The following SIRT6 variants were observed in gnomAD, a reference collection of about 807,000 sequenced individuals.
The protein encoded by SIRT6 is NAD-dependent protein deacylase sirtuin-6.
SIRT6 carries 21 observed loss-of-function variants against 33.6 expected under a neutral mutation model. The observed-to-expected ratio is 0.62, with a 90% CI of 0.44 to 0.90. The LOEUF is 0.90. Ranked by LOEUF, SIRT6 falls within the 40% of genes least tolerant of loss-of-function variation. SIRT6 has a pLI of 0.00. For synonymous variants in SIRT6, 221 were observed against 223.9 expected (o/e 0.99, Z 0.12); for missense variants, 504 against 510.6 (o/e 0.99, Z 0.12).
In SIRT6 at chr19:4,180,681, A is replaced by C; in HGVS notation, c.194+101T>G. On this transcript the variant is annotated intron_variant, in intron 2 of 7. Coordinates refer to ENST00000337491, the MANE Select transcript of SIRT6 (RefSeq NM_016539.4). ...GTACCCAGGACACATCCAGGAGGAAAGCAGATGGATGTGTTCTCATTCCCA... is the reference window on the plus strand; with the variant it reads ...GTACCCAGGACACATCCAGGAGGAACGCAGATGGATGTGTTCTCATTCCCA... 2.7e-6 allele frequency: 4 copies of C among 1,455,368 alleles called. No homozygotes were observed. In the South Asian group the frequency reaches 5.3e-5, roughly 19 times the overall value. The allele number at this position is 1,455,368 out of a possible 1,614,324, so 90.2% of individuals were successfully genotyped here. A position where few individuals can be genotyped will look rare whatever the true frequency, so the allele number is the denominator to read the frequency against.
intron 2 of SIRT6, chr19:4,179,488 C>A: frequency 1.7e-6 from 1 of 594,246 alleles, no homozygotes; most frequent in East Asian, 2.9e-5. Context: ...GAACAAGACA[C>A]AGACAGAGAG....
chr19:4,177,040 C>A, intron 4 of SIRT6, 39 bp downstream of exon 4: 1 of 1,586,426 alleles, frequency 6.3e-7, no homozygotes. Context: ...CCAACCCCCT[C>A]TGGCAGAGCC....
At chr19:4,177,001 C>T in intron 4 of SIRT6, 78 bp downstream of exon 4, 1 of 1,313,066 alleles carries the variant, frequency 7.6e-7, no homozygotes. Context: ...CCCATACCCT[C>T]TGGGTCTCTG....
intron 2 of SIRT6, 61 bp from the exon 3 acceptor site, chr19:4,179,347 G>A (rs1203184677): frequency 6.7e-7 from 1 of 1,481,518 alleles, no homozygotes; most frequent in African/African-American, 1.4e-5. Flanking sequence ...GAGACAGAGG[G>A]AGAATCAGAG....
Position 4,175,963 on chromosome 19 carries a change from T to C in SIRT6, c.438-26A>G, listed in dbSNP as rs375854534. ...CTGTGTCAGGGAGGAAGGGGGAGGA[T>C]GGGACCAGGTGAGCTCCCATGGGTG... On this transcript the variant is annotated intron_variant, in intron 4 of 7. Transcript: ENST00000337491. 110 of 1,548,072 alleles carry C rather than the reference T, an allele frequency of 7.1e-5. No homozygotes were observed. The African/African-American group carries it at 1.2e-3, about 17-fold the overall frequency.
At chr19:4,176,937 C>T in intron 4 of SIRT6, 142 bp downstream of exon 4, 1 of 577,126 alleles carries the variant, frequency 1.7e-6, no homozygotes, top group Non-Finnish European at 3.0e-6. Context: ...CTTATATCCC[C>T]CCAAGAGGGA....
chr19:4,180,147 C>G (rs903494746), intron 2 of SIRT6, among the ~76,000 whole-genome samples: 1 of 130,808 alleles, frequency 7.6e-6, no homozygotes, highest in Non-Finnish European at 1.5e-5. Flanking sequence ...CTCTGTTGCC[C>G]AGGCTGGAGT....
intron 2 of SIRT6, 89 bp from the exon 3 acceptor site, chr19:4,179,375 T>C (rs888773601): frequency 1.5e-6 from 2 of 1,353,744 alleles, no homozygotes; most frequent in Admixed American, 5.6e-5. Context: ...GAGAGAAAGT[T>C]GGAGAGAGAG....
In SIRT6 at chr19:4,181,286, C is replaced by A. The variant is rs370298356; in HGVS notation, c.67-377G>T. Among the ~76,000 whole-genome samples the A allele has an allele frequency of 3.7e-3, 557 of 152,328 alleles. 2 individuals are homozygous for A. The highest frequency in any genetic ancestry group is 0.012 in the African/African-American group (513 of 41,564). On this transcript the variant is annotated intron_variant, in intron 1 of 7. Coordinates refer to ENST00000337491, the MANE Select transcript of SIRT6 (RefSeq NM_016539.4). ...GCTCTTCCCCCAGATACCCACATGG[C>A]TCCCTCCCTCACCTCCTGTAACTTG...
chr19:4,176,935 C>T (rs1050446521), intron 4 of SIRT6, 144 bp downstream of exon 4: 1 of 489,852 alleles, frequency 2.0e-6, no homozygotes, highest in Non-Finnish European at 3.6e-6. Context: ...TCCTTATATC[C>T]CCCCAAGAGG....
intron 2 of SIRT6, among the ~76,000 whole-genome samples, chr19:4,179,790 G>A (rs1234644696): frequency 1.3e-5 from 2 of 152,200 alleles, no homozygotes; most frequent in Non-Finnish European, 2.9e-5. Flanking sequence ...GGGGGCCCTG[G>A]GGCACGTGGA....
Position 4,174,336 on chromosome 19 carries a change from G to C in SIRT6, c.*281C>G, listed in dbSNP as rs201175459. 6.8e-5 allele frequency: 22 copies of C among 321,200 alleles called. No homozygotes were observed. The East Asian group carries it at 1.1e-3, about 16-fold the overall frequency. The allele number at this position is 321,200 out of a possible 1,614,324, so 19.9% of individuals were successfully genotyped here. On this transcript the variant is annotated 3_prime_UTR_variant, in exon 8 of 8. Coordinates refer to ENST00000337491, the MANE Select transcript of SIRT6 (RefSeq NM_016539.4). This position sits in a 1 kb window ranked among gnomAD's most constrained non-coding sequence, Gnocchi z 4.2. ...TCACTCCTGTTTAAGCTGGAGACCA[G>C]GGAGGGCCCAGCCTCACCTCTGGAC...
intron 2 of SIRT6, chr19:4,180,541 T>A: frequency 2.6e-6 from 1 of 377,750 alleles, no homozygotes; most frequent in Admixed American, 4.4e-5. Context: ...CCACCACAAC[T>A]GGCTAATTTT....
chr19:4,180,839 C>G lies in SIRT6; in HGVS notation c.137G>C (p.Ser46Thr), dbSNP rs352493. Residue 46 changes from serine to threonine, a missense_variant, in exon 2 of 8, where the codon AGT becomes ACT. Transcript: ENST00000337491. ...ELARLVWQSS[S>T]VVFHTGAGIS... ...GCCGGCACCCGTGTGGAACACCACA[C>G]TGGAAGACTGCCAGACCAGCCTCGC... is the stretch of plus-strand genomic sequence containing the variant. 2 of 1,613,476 alleles carry G rather than the reference C, an allele frequency of 1.2e-6. No homozygotes were observed. The highest frequency in any genetic ancestry group is 1.7e-6 in the Non-Finnish European group (2 of 1,179,892).
At chr19:4,180,581 A>G (rs544659994) in intron 2 of SIRT6, 3 of 533,392 alleles carry the variant, frequency 5.6e-6, no homozygotes, top group African/African-American at 3.9e-5. Context: ...GGGATTCACC[A>G]TATTGGCCAG....
At chr19:4,180,540 C>G in intron 2 of SIRT6, 1 of 376,118 alleles carries the variant, frequency 2.7e-6, no homozygotes, top group East Asian at 4.6e-5. Context: ...GCCACCACAA[C>G]TGGCTAATTT....
intron 4 of SIRT6, 61 bp downstream of exon 4, chr19:4,177,018 C>T (rs546164059): frequency 2.4e-5 from 35 of 1,478,184 alleles, no homozygotes; most frequent in Admixed American, 3.7e-5. Flanking sequence ...TCTGGGACAT[C>T]GGATTCGACC....
Position 4,179,294 on chromosome 19 carries a change from T to C in SIRT6, c.195-8A>G. Reference sequence around the variant, plus strand: ...CAGACTCCGTGGGGACCCCTGAAGGTGGCAGGCCGGGAGAGATGGACGGGG... The same window carrying C: ...CAGACTCCGTGGGGACCCCTGAAGGCGGCAGGCCGGGAGAGATGGACGGGG... On this transcript the variant is annotated splice_region_variant and splice_polypyrimidine_tract_variant and intron_variant, in intron 2 of 7. Transcript: ENST00000337491. 1 of 1,589,968 alleles carries C rather than the reference T, an allele frequency of 6.3e-7. No homozygotes were observed. The highest frequency in any genetic ancestry group is 8.6e-7 in the Non-Finnish European group (1 of 1,167,868).
chr19:4,177,031 C>T (rs1339378347), intron 4 of SIRT6, 48 bp downstream of exon 4: 3 of 1,560,378 alleles, frequency 1.9e-6, no homozygotes, highest in Non-Finnish European at 2.6e-6. Flanking sequence ...ATTCGACCCC[C>T]AACCCCCTCT....
Sources: gnomAD v4.1 joint callset for allele counts (sites outside exome capture counted in the v4.1 genomes callset) on GRCh38, gnomAD v4.1.1 for gene constraint, Gnocchi (gnomAD v3.1) non-coding constraint, MANE v1.5 for transcripts, NCBI Gene and HGNC (gene_info 2026-07-23, HGNC 2026-07-21) for gene names.